TMEM232: variants seen among roughly 807,000 people sequenced by gnomAD.
TMEM232 encodes transmembrane protein 232.
TMEM232 carries 80 observed loss-of-function variants against 78.8 expected under a neutral mutation model. The observed-to-expected ratio is 1.01, with a 90% CI of 0.85 to 1.22. TMEM232 has a LOEUF of 1.22. TMEM232 is among the 50% of genes most tolerant of loss of function. The pLI is 0.00. For synonymous variants in TMEM232, 297 were observed against 254.3 expected, an observed-to-expected ratio of 1.17 and a Z score of -1.60; for missense variants, 881 against 742.2, an observed-to-expected ratio of 1.19 and a Z score of -2.17.
intron 1 of TMEM232, among the ~76,000 whole-genome samples, chr5:110,704,757 A>G (rs1247829068): frequency 6.6e-6 from 1 of 152,112 alleles, no homozygotes; most frequent in African/African-American, 2.4e-5. Flanking sequence ...AAACACATCC[A>G]GGAAGTTCTT....
intron 12 of TMEM232, among the ~76,000 whole-genome samples, chr5:110,474,903 G>A (rs1193506369): frequency 6.6e-6 from 1 of 151,898 alleles, no homozygotes; most frequent in East Asian, 1.9e-4. Flanking sequence ...ACTATACTAT[G>A]ATCATAGACC....
chr5:110,699,786 C>T (rs1479308181), intron 1 of TMEM232, among the ~76,000 whole-genome samples: 2 of 151,980 alleles, frequency 1.3e-5, no homozygotes, highest in Non-Finnish European at 2.9e-5. Flanking sequence ...CTCCCTCCTC[C>T]ACCACCCTCT....
intron 7 of TMEM232, among the ~76,000 whole-genome samples, chr5:110,624,108 T>G (rs564863852): frequency 7.9e-5 from 12 of 152,206 alleles, no homozygotes; most frequent in African/African-American, 2.9e-4. Flanking sequence ...CTATTCACAT[T>G]GCCAAGATTT....
intron 8 of TMEM232, among the ~76,000 whole-genome samples, chr5:110,610,224 GAGGGAAAAAGAAAGGAAGGA>G (rs1782026348): frequency 4.1e-5 from 1 of 24,498 alleles, no homozygotes; most frequent in African/African-American, 1.1e-4. Flanking sequence ...GGAAGGGAGG[GAGGGAAAAAGAAAGGAAGGA>G]AGGGAGGAAG....
At chr5:110,668,435 C>T (rs183222808) in intron 1 of TMEM232, among the ~76,000 whole-genome samples, 4 of 152,232 alleles carry the variant, frequency 2.6e-5, no homozygotes, top group Admixed American at 2.0e-4. Context: ...TCCGCCTGTG[C>T]TACTCATTTG....
At chr5:110,398,316 G>A (rs1234074642) in intron 2 of TMEM232, among the ~76,000 whole-genome samples, 2 of 152,086 alleles carry the variant, frequency 1.3e-5, no homozygotes, top group Admixed American at 1.3e-4. Context: ...AAAAACCAAG[G>A]TATTAAATGG....
chr5:110,533,783 C>A (rs1430872089), intron 11 of TMEM232, among the ~76,000 whole-genome samples: 1 of 152,096 alleles, frequency 6.6e-6, no homozygotes, highest in African/African-American at 2.4e-5. Flanking sequence ...TTTCCTTCTT[C>A]CCTGTTCCTC....
intron 4 of TMEM232, among the ~76,000 whole-genome samples, chr5:110,389,653 T>C (rs1302845602): frequency 1.3e-5 from 2 of 152,218 alleles, no homozygotes; most frequent in South Asian, 2.1e-4. Flanking sequence ...TTGCACGACC[T>C]TGCATTAGAA....
chr5:110,633,858 G>A (rs188189155), intron 5 of TMEM232, among the ~76,000 whole-genome samples: 1 of 152,208 alleles, frequency 6.6e-6, no homozygotes, highest in African/African-American at 2.4e-5. Context: ...CAATAATAAT[G>A]TAAATGTAAA....
chr5:110,689,784 AG>A, intron 1 of TMEM232, among the ~76,000 whole-genome samples: 1 of 152,202 alleles, frequency 6.6e-6, no homozygotes, highest in East Asian at 1.9e-4. Flanking sequence ...GTACCAAAAC[AG>A]ATATATAGAC....
intron 7 of TMEM232, among the ~76,000 whole-genome samples, chr5:110,619,061 C>T (rs1442476619): frequency 6.6e-6 from 1 of 152,146 alleles, no homozygotes; most frequent in Non-Finnish European, 1.5e-5. Context: ...AACAAATAAG[C>T]TGTTGTTTAG....
At chr5:110,431,634 G>A (rs1963564) in intron 12 of TMEM232, among the ~76,000 whole-genome samples, 42,209 of 150,202 alleles carry the variant, frequency 0.28, 10,321 homozygotes, top group African/African-American at 0.67. Flanking sequence ...ACTATGATAA[G>A]TATATTTAAA....
At chr5:110,676,776 A>T (rs1245231769) in intron 1 of TMEM232, among the ~76,000 whole-genome samples, 3 of 121,368 alleles carry the variant, frequency 2.5e-5, no homozygotes, top group African/African-American at 1.0e-4. Flanking sequence ...TATTTATTTA[A>T]TATACGGAGT....
chr5:110,689,345 T>A (rs1486899200), intron 1 of TMEM232, among the ~76,000 whole-genome samples: 1 of 152,186 alleles, frequency 6.6e-6, no homozygotes, highest in African/African-American at 2.4e-5. Flanking sequence ...CATCAACTGA[T>A]TCATAACTAC....
chr5:110,706,242 T>A (rs915719172), intron 1 of TMEM232, among the ~76,000 whole-genome samples: 1 of 152,088 alleles, frequency 6.6e-6, no homozygotes, highest in Non-Finnish European at 1.5e-5. Context: ...GAGGTACAAA[T>A]ACAAAGAAAA....
chr5:110,396,176 AG>A (rs1213563910), intron 3 of TMEM232, among the ~76,000 whole-genome samples: 5 of 152,124 alleles, frequency 3.3e-5, no homozygotes, highest in African/African-American at 1.2e-4. Flanking sequence ...GAGAGAATGC[AG>A]GGGAAACTAC....
At position 110,704,184 on chromosome 5, in the gene TMEM232, G is replaced by A. The variant is rs115511234; in HGVS notation, c.-13+22443C>T. The stretch of plus-strand genomic sequence containing the variant: ...TCATGATCACTAGACATAGGACTAT[G>A]TTTATTGGAAGAGACATCAACTAAA... On this transcript the variant is annotated intron_variant, in intron 1 of 13. Transcript: ENST00000455884. Among the ~76,000 whole-genome samples the A allele has an allele frequency of 2.4e-3, 365 of 152,224 alleles. 6 individuals are homozygous for A. The highest frequency in any genetic ancestry group is 8.4e-3 in the African/African-American group (348 of 41,562).
chr5:110,587,388 C>A (rs1346757478), intron 10 of TMEM232, among the ~76,000 whole-genome samples: 1 of 151,922 alleles, frequency 6.6e-6, no homozygotes, highest in Non-Finnish European at 1.5e-5. Context: ...ATGGTAAACT[C>A]CAAATGTGTA....
At chr5:110,549,787 C>T (rs1047825870) in intron 11 of TMEM232, among the ~76,000 whole-genome samples, 14 of 151,822 alleles carry the variant, frequency 9.2e-5, no homozygotes, top group African/African-American at 2.9e-4. Context: ...AACATCTTTC[C>T]GAATTTAATT....
Sources: allele counts gnomAD v4.1 joint callset (sites outside exome capture counted in the v4.1 genomes callset), GRCh38; gene constraint gnomAD v4.1.1; transcripts MANE v1.5; gene names NCBI Gene and HGNC (gene_info 2026-07-23, HGNC 2026-07-21).